MYO10: variants seen among roughly 807,000 people sequenced by gnomAD.
MYO10 encodes unconventional myosin-X.
In MYO10, 133 loss-of-function variants were observed where a neutral mutation model predicts 257.3. That is an observed-to-expected ratio of 0.52 (90% CI 0.45 to 0.60). The LOEUF is 0.60. MYO10 is among the 20% of genes least tolerant of loss of function. The pLI is 0.00. For missense variants in MYO10, 2,399 were observed against 2,635.7 expected, an observed-to-expected ratio of 0.91 and a Z score of 1.97; for synonymous variants, 1,104 against 1,028.6, an observed-to-expected ratio of 1.07 and a Z score of -1.40.
intron 1 of MYO10, among the ~76,000 whole-genome samples, chr5:16,919,449 C>T (rs13172386): frequency 0.069 from 10,486 of 152,196 alleles, 421 homozygotes; most frequent in African/African-American, 0.11. Context: ...GTTCATGGAG[C>T]TAGAGCTCTC....
chr5:16,775,262 G>A (rs756900723), intron 9 of MYO10, among the ~76,000 whole-genome samples: 32 of 152,036 alleles, frequency 2.1e-4, no homozygotes, highest in African/African-American at 7.7e-4. Context: ...AAACCAAGAC[G>A]CTCCTAAAAC....
At chr5:16,883,336 G>A (rs1744810349) in intron 1 of MYO10, among the ~76,000 whole-genome samples, 1 of 152,140 alleles carries the variant, frequency 6.6e-6, no homozygotes, top group Admixed American at 6.5e-5. Context: ...GAGGTGTTGA[G>A]AAACATATCA....
At chr5:16,844,496 G>A (rs1400959416) in intron 2 of MYO10, among the ~76,000 whole-genome samples, 1 of 152,012 alleles carries the variant, frequency 6.6e-6, no homozygotes, top group Non-Finnish European at 1.5e-5. Flanking sequence ...TCTAAAGTAC[G>A]AAGCAAGAAA....
intron 1 of MYO10, among the ~76,000 whole-genome samples, chr5:16,888,120 C>T (rs1186728335): frequency 6.6e-6 from 1 of 152,182 alleles, no homozygotes; most frequent in Non-Finnish European, 1.5e-5. Context: ...CACCCACTCA[C>T]CCATTCTTCC....
chr5:16,794,611 C>A, intron 4 of MYO10, 35 bp downstream of exon 4: 1 of 1,571,454 alleles, frequency 6.4e-7, no homozygotes, highest in Non-Finnish European at 8.6e-7. Flanking sequence ...ACTCCTGGGC[C>A]ATGGGAAAGT....
chr5:16,795,947 TG>T (rs1741925548), intron 3 of MYO10, among the ~76,000 whole-genome samples: 1 of 152,000 alleles, frequency 6.6e-6, no homozygotes, highest in South Asian at 2.1e-4. Flanking sequence ...CCCAGCATTT[TG>T]GGGGGCCGAG....
chr5:16,820,942 A>G (rs1268611839), intron 2 of MYO10, among the ~76,000 whole-genome samples: 1 of 148,002 alleles, frequency 6.8e-6, no homozygotes, highest in East Asian at 2.0e-4. Flanking sequence ...CTTATATATT[A>G]TATATTATAC....
At chr5:16,925,778 G>A (rs879882009) in intron 1 of MYO10, among the ~76,000 whole-genome samples, 19 of 152,258 alleles carry the variant, frequency 1.2e-4, no homozygotes, top group Non-Finnish European at 2.6e-4. Flanking sequence ...CCTGATTTAA[G>A]AAATGGTGAT....
intron 19 of MYO10, among the ~76,000 whole-genome samples, chr5:16,732,893 G>T (rs1739641348): frequency 6.6e-6 from 1 of 152,180 alleles, no homozygotes; most frequent in Non-Finnish European, 1.5e-5. Context: ...TAGCACTTTG[G>T]GAGGCCGAGG....
At chr5:16,805,746 A>C (rs908826383) in intron 3 of MYO10, among the ~76,000 whole-genome samples, 3 of 152,192 alleles carry the variant, frequency 2.0e-5, no homozygotes, top group Non-Finnish European at 4.4e-5. Context: ...TTCTATTTTG[A>C]AGCACATAAA....
chr5:16,757,995 T>C, intron 18 of MYO10, 123 bp downstream of exon 18: 2 of 757,828 alleles, frequency 2.6e-6, no homozygotes, highest in South Asian at 1.7e-5. Flanking sequence ...TTTAAAAGCA[T>C]GATATAAAAG....
intron 19 of MYO10, among the ~76,000 whole-genome samples, chr5:16,727,510 A>C (rs1325864911): frequency 1.3e-5 from 2 of 152,232 alleles, no homozygotes; most frequent in East Asian, 3.8e-4. Context: ...AATACTGTGA[A>C]ATAAAGGCCC....
At chr5:16,915,359 A>C (rs182603140) in intron 1 of MYO10, among the ~76,000 whole-genome samples, 15 of 152,344 alleles carry the variant, frequency 9.8e-5, no homozygotes, top group African/African-American at 3.1e-4. Context: ...TCAGCACAGC[A>C]AATGGCACCA....
chr5:16,686,188 A>G (rs1038754994), intron 28 of MYO10, among the ~76,000 whole-genome samples: 5 of 152,212 alleles, frequency 3.3e-5, no homozygotes, highest in Non-Finnish European at 5.9e-5. Flanking sequence ...TATATCAAGG[A>G]TCCTTACTTA....
chr5:16,803,032 G>C (rs1742166866), intron 3 of MYO10, among the ~76,000 whole-genome samples: 1 of 152,222 alleles, frequency 6.6e-6, no homozygotes, highest in African/African-American at 2.4e-5. Flanking sequence ...TTGAGCCCAG[G>C]AGGTCAAGGC....
chr5:16,697,378 C>T (rs1737799043), intron 26 of MYO10, among the ~76,000 whole-genome samples: 1 of 151,986 alleles, frequency 6.6e-6, no homozygotes, highest in Admixed American at 6.6e-5. Context: ...AAAAGAGAAG[C>T]ACAGAAAGAA....
At chr5:16,758,996 A>C (rs1320989114) in intron 17 of MYO10, among the ~76,000 whole-genome samples, 1 of 151,746 alleles carries the variant, frequency 6.6e-6, no homozygotes, top group African/African-American at 2.4e-5. Flanking sequence ...ATCTCGGCTC[A>C]CTGCAACCTC....
At chr5:16,717,671 G>A (rs568671988) in intron 19 of MYO10, among the ~76,000 whole-genome samples, 65 of 152,286 alleles carry the variant, frequency 4.3e-4, no homozygotes, top group African/African-American at 1.5e-3. Context: ...AATCATCAGC[G>A]GACCATATCC....
intron 2 of MYO10, among the ~76,000 whole-genome samples, chr5:16,818,454 T>G (rs1234095947): frequency 6.7e-6 from 1 of 150,034 alleles, no homozygotes; most frequent in East Asian, 2.0e-4. Flanking sequence ...GTTGTTGTTT[T>G]GAGGCATGAT....
Sources: allele counts gnomAD v4.1 joint callset (sites outside exome capture counted in the v4.1 genomes callset), GRCh38; gene constraint gnomAD v4.1.1; transcripts MANE v1.5; gene names NCBI Gene and HGNC (gene_info 2026-07-23, HGNC 2026-07-21).